Variants in GALNTL6 observed in about 807,000 individuals in gnomAD.
GALNTL6 encodes the protein polypeptide N-acetylgalactosaminyltransferase-like 6.
Under a neutral mutation model 73.7 loss-of-function variants are expected in GALNTL6, and 46 were observed. The observed-to-expected ratio is 0.62, with a 90% CI of 0.49 to 0.80. The LOEUF (loss-of-function observed/expected upper bound fraction) is 0.80. Ranked by LOEUF, GALNTL6 falls within the 30% of genes least tolerant of loss-of-function variation. The pLI is 0.00. For missense variants in GALNTL6, 604 were observed against 755.0 expected (o/e 0.80, Z 2.34); for synonymous variants, 259 against 263.7 (o/e 0.98, Z 0.17).
chr4:172,201,448 G>T (rs1735951315), intron 2 of GALNTL6, among the ~76,000 whole-genome samples: 1 of 151,368 alleles, frequency 6.6e-6, no homozygotes. Flanking sequence ...CTCATGATCT[G>T]CCCACCTCAG....
chr4:172,717,167 C>T (rs1579386067), intron 5 of GALNTL6, among the ~76,000 whole-genome samples: 1 of 151,964 alleles, frequency 6.6e-6, no homozygotes, highest in African/African-American at 2.4e-5. Context: ...AAAATAAAGC[C>T]TTAGCCAAAT....
At chr4:171,974,389 T>C (rs1481417231) in intron 2 of GALNTL6, among the ~76,000 whole-genome samples, 1 of 152,220 alleles carries the variant, frequency 6.6e-6, no homozygotes, top group East Asian at 1.9e-4. Context: ...CATTTGAGTC[T>C]TATTAATGCT....
intron 2 of GALNTL6, among the ~76,000 whole-genome samples, chr4:172,172,838 C>A (rs1264524877): frequency 6.6e-6 from 1 of 152,194 alleles, no homozygotes; most frequent in East Asian, 1.9e-4. Flanking sequence ...CCTCCTGAAT[C>A]TAAATGCAAT....
At chr4:172,090,026 T>C (rs936088271) in intron 2 of GALNTL6, among the ~76,000 whole-genome samples, 5 of 152,222 alleles carry the variant, frequency 3.3e-5, no homozygotes, top group Non-Finnish European at 7.3e-5. Context: ...GCAAAGGATA[T>C]GAACTCATCC....
At chr4:172,328,117 A>T (rs1741005329) in intron 4 of GALNTL6, among the ~76,000 whole-genome samples, 1 of 152,170 alleles carries the variant, frequency 6.6e-6, no homozygotes, top group Non-Finnish European at 1.5e-5. Flanking sequence ...TTAGCTGAAA[A>T]ATGATCTCAT....
At chr4:172,975,242 A>G (rs951969064) in intron 10 of GALNTL6, among the ~76,000 whole-genome samples, 1 of 152,178 alleles carries the variant, frequency 6.6e-6, no homozygotes, top group Non-Finnish European at 1.5e-5. Context: ...CAAAGTGAGT[A>G]GCTCCTATCT....
intron 4 of GALNTL6, among the ~76,000 whole-genome samples, chr4:172,326,051 C>G (rs146507956): frequency 8.7e-4 from 132 of 151,828 alleles, no homozygotes; most frequent in East Asian, 1.5e-3. Context: ...AGAGGGATAA[C>G]AGAACAATCT....
At chr4:172,033,239 G>T (rs1741823719) in intron 2 of GALNTL6, among the ~76,000 whole-genome samples, 1 of 151,850 alleles carries the variant, frequency 6.6e-6, no homozygotes, top group Admixed American at 6.6e-5. Flanking sequence ...TTGTCTAGAA[G>T]TAACATTCAC....
intron 2 of GALNTL6, among the ~76,000 whole-genome samples, chr4:172,073,360 G>A (rs1324632861): frequency 6.6e-6 from 1 of 152,128 alleles, no homozygotes; most frequent in African/African-American, 2.4e-5. Flanking sequence ...AACAGTACCA[G>A]GCATATGGCA....
At chr4:171,832,482 G>T (rs893557622) in intron 2 of GALNTL6, among the ~76,000 whole-genome samples, 1 of 151,376 alleles carries the variant, frequency 6.6e-6, no homozygotes, top group Non-Finnish European at 1.5e-5. Context: ...TAGGGAGGTA[G>T]ATAGATAGGT....
intron 5 of GALNTL6, among the ~76,000 whole-genome samples, chr4:172,684,688 A>AT (rs1732818658): frequency 6.6e-6 from 1 of 152,168 alleles, no homozygotes; most frequent in African/African-American, 2.4e-5. Flanking sequence ...TGGAAAAGAG[A>AT]TGAACCTTTG....
intron 3 of GALNTL6, among the ~76,000 whole-genome samples, chr4:172,280,363 T>C (rs895739001): frequency 3.3e-5 from 5 of 152,198 alleles, no homozygotes; most frequent in African/African-American, 9.6e-5. Flanking sequence ...GTGGGCCTTA[T>C]GTTGTTTCCA....
At chr4:172,844,385 C>T (rs1052457757) in intron 7 of GALNTL6, among the ~76,000 whole-genome samples, 1 of 152,182 alleles carries the variant, frequency 6.6e-6, no homozygotes, top group East Asian at 1.9e-4. Flanking sequence ...AGAGAAAAAA[C>T]AGTGATGCTC....
At chr4:172,978,599 A>G (rs565090612) in intron 10 of GALNTL6, among the ~76,000 whole-genome samples, 2 of 152,332 alleles carry the variant, frequency 1.3e-5, no homozygotes, top group South Asian at 4.1e-4. Flanking sequence ...TTATGTTAGT[A>G]GGTTACCCAA....
At chr4:171,902,627 G>A (rs1261135540) in intron 2 of GALNTL6, among the ~76,000 whole-genome samples, 2 of 152,220 alleles carry the variant, frequency 1.3e-5, no homozygotes, top group Non-Finnish European at 2.9e-5. Context: ...TTATCAGTGA[G>A]AGGGTAGGGA....
intron 3 of GALNTL6, among the ~76,000 whole-genome samples, chr4:172,295,874 T>C (rs1739654084): frequency 6.6e-6 from 1 of 152,038 alleles, no homozygotes; most frequent in Non-Finnish European, 1.5e-5. Flanking sequence ...CTTTAAAATT[T>C]TGTAGGAAGT....
intron 5 of GALNTL6, among the ~76,000 whole-genome samples, chr4:172,728,514 A>ACAT (rs1207326606): frequency 6.6e-4 from 100 of 152,218 alleles, no homozygotes; most frequent in African/African-American, 2.2e-3. Flanking sequence ...TGAAATATAT[A>ACAT]TGTACATATA....
intron 2 of GALNTL6, among the ~76,000 whole-genome samples, chr4:171,929,109 C>T (rs13111782): frequency 0.23 from 35,381 of 152,046 alleles, 4,416 homozygotes; most frequent in African/African-American, 0.32. Flanking sequence ...CTCTGTCACC[C>T]AGGCTGGAGT....
chr4:172,786,058 A>G (rs1181959336), intron 5 of GALNTL6, among the ~76,000 whole-genome samples: 1 of 152,082 alleles, frequency 6.6e-6, no homozygotes, highest in African/African-American at 2.4e-5. Flanking sequence ...AGGGGGAATT[A>G]TGTGCCTTGA....
Sources: gnomAD v4.1 joint callset for allele counts (sites outside exome capture counted in the v4.1 genomes callset) on GRCh38, gnomAD v4.1.1 for gene constraint, MANE v1.5 for transcripts, NCBI Gene and HGNC (gene_info 2026-07-23, HGNC 2026-07-21) for gene names.